The following SORCS3 variants were observed in gnomAD, a reference collection of about 807,000 sequenced individuals.
The protein encoded by SORCS3 is VPS10 domain-containing receptor SorCS3.
In SORCS3, 57 loss-of-function variants were observed where a neutral mutation model predicts 146.3. The ratio of observed to expected loss-of-function variants is 0.39; its 90% CI spans 0.31 to 0.49. SORCS3 has a LOEUF of 0.49. Among genes scored for constraint, SORCS3 ranks in the 20% least tolerant of loss-of-function variants. The pLI is 0.92. For synonymous variants in SORCS3, 653 were observed against 618.5 expected (o/e 1.06, Z -0.83); for missense variants, 1,341 against 1,575.5 (o/e 0.85, Z 2.52).
At chr10:105,141,718 C>T (rs182763694) in intron 8 of SORCS3, among the ~76,000 whole-genome samples, 4 of 152,258 alleles carry the variant, frequency 2.6e-5, no homozygotes, top group Non-Finnish European at 5.9e-5. Context: ...CCCTGGGCAT[C>T]AGGTTGGTGC....
chr10:104,909,857 A>G (rs2018948419), intron 2 of SORCS3, among the ~76,000 whole-genome samples: 2 of 150,884 alleles, frequency 1.3e-5, no homozygotes, highest in Non-Finnish European at 2.9e-5. Context: ...GAAGATCACT[A>G]GAGGAGTAGT....
chr10:105,135,605 A>C (rs923397187), intron 7 of SORCS3, among the ~76,000 whole-genome samples: 18 of 152,124 alleles, frequency 1.2e-4, no homozygotes, highest in Non-Finnish European at 2.2e-4. Context: ...GCTGCCTTTA[A>C]TTCATGTCTC....
In SORCS3 at chr10:105,167,366, A is replaced by T; in HGVS notation, c.1901+17A>T. On this transcript the variant is annotated intron_variant, in intron 13 of 26. Coordinates refer to ENST00000369701, the MANE Select transcript of SORCS3 (RefSeq NM_014978.3). ...GCATTTGTGGTAAGGAGAGCTCCCT[A>T]CCCTATTAATGAGCTAATGAGCAGC... 1 of 1,602,900 alleles carries T rather than the reference A, an allele frequency of 6.2e-7. No individual in the cohort carries two copies. Among genetic ancestry groups the T allele is most frequent in the Non-Finnish European group, 8.5e-7 (1 of 1,170,934 alleles).
At chr10:104,849,980 T>C (rs1481081157) in intron 2 of SORCS3, among the ~76,000 whole-genome samples, 1 of 152,220 alleles carries the variant, frequency 6.6e-6, no homozygotes, top group African/African-American at 2.4e-5. Flanking sequence ...CACCAGATGC[T>C]GCTGCTGCTG....
intron 1 of SORCS3, among the ~76,000 whole-genome samples, chr10:104,769,331 C>A (rs1393608923): frequency 2.6e-5 from 4 of 152,244 alleles, no homozygotes; most frequent in African/African-American, 9.6e-5. Flanking sequence ...GAGGCCATCC[C>A]AGATGCTGTG....
chr10:104,878,152 A>T (rs1055298439), intron 2 of SORCS3, among the ~76,000 whole-genome samples: 1 of 152,146 alleles, frequency 6.6e-6, no homozygotes, highest in Non-Finnish European at 1.5e-5. Context: ...CAATTTATTC[A>T]ATCACTTGGC....
chr10:104,911,958 A>G (rs1467335391), intron 2 of SORCS3, among the ~76,000 whole-genome samples: 2 of 152,214 alleles, frequency 1.3e-5, no homozygotes, highest in African/African-American at 2.4e-5. Context: ...GATTAGTAAC[A>G]AAGAATTACC....
chr10:105,201,929 T>C (rs2056577107), intron 16 of SORCS3, among the ~76,000 whole-genome samples: 1 of 152,154 alleles, frequency 6.6e-6, no homozygotes, highest in African/African-American at 2.4e-5. Context: ...TTTTCTAATT[T>C]CAATAAAACA....
intron 5 of SORCS3, among the ~76,000 whole-genome samples, chr10:105,044,617 G>T (rs1234797808): frequency 6.6e-6 from 1 of 151,836 alleles, no homozygotes; most frequent in Non-Finnish European, 1.5e-5. Context: ...AACCCATTCC[G>T]TCTGCATCCA....
intron 1 of SORCS3, among the ~76,000 whole-genome samples, chr10:104,767,806 C>T (rs970935556): frequency 7.0e-6 from 1 of 143,748 alleles, no homozygotes; most frequent in South Asian, 2.5e-4. Flanking sequence ...CTTCTCCCTT[C>T]CCCTCCCTCT....
intron 2 of SORCS3, among the ~76,000 whole-genome samples, chr10:104,894,188 G>A (rs745452455): frequency 6.6e-6 from 1 of 152,066 alleles, no homozygotes; most frequent in Non-Finnish European, 1.5e-5. Flanking sequence ...GTCAAATCAT[G>A]TCAGTTTTAT....
intron 7 of SORCS3, among the ~76,000 whole-genome samples, chr10:105,123,176 A>G (rs561303480): frequency 6.6e-6 from 1 of 152,350 alleles, no homozygotes; most frequent in East Asian, 1.9e-4. Flanking sequence ...GAGCTTCACC[A>G]CCCACCCAGA....
At chr10:104,886,376 A>G (rs1334091684) in intron 2 of SORCS3, among the ~76,000 whole-genome samples, 2 of 152,190 alleles carry the variant, frequency 1.3e-5, no homozygotes, top group East Asian at 3.9e-4. Flanking sequence ...TATCTTTATA[A>G]CAGGGATAAT....
intron 1 of SORCS3, among the ~76,000 whole-genome samples, chr10:104,766,458 GTCTGTGTC>G (rs1729541493): frequency 6.6e-6 from 1 of 152,252 alleles, no homozygotes; most frequent in African/African-American, 2.4e-5. Context: ...TTGTTTGCTT[GTCTGTGTC>G]TCATGTGAGC....
chr10:104,696,390 A>ACAAT lies in SORCS3; in HGVS notation c.627+54436_627+54437insCAAT, dbSNP rs1564661242. 1.2e-3 allele frequency among the ~76,000 whole-genome samples: 16 copies of ACAAT among 12,818 alleles called. 6 individuals carry two copies. Among genetic ancestry groups the ACAAT allele is most frequent in the Non-Finnish European group, 1.8e-3 (9 of 5,050 alleles). The allele number at this position is 12,818 out of a possible 152,430, so 8.4% of individuals were successfully genotyped here. ...ATATAGTATATAATATATATTATATAATATATAATATATAATATAGAATAT... is the reference window on the plus strand; with the variant it reads ...ATATAGTATATAATATATATTATATACAATATATATAATATATAATATAGAATAT... On this transcript the variant is annotated intron_variant, in intron 1 of 26. Coordinates refer to ENST00000369701, the MANE Select transcript of SORCS3 (RefSeq NM_014978.3).
At chr10:104,874,426 A>G (rs2018550011) in intron 2 of SORCS3, among the ~76,000 whole-genome samples, 1 of 152,156 alleles carries the variant, frequency 6.6e-6, no homozygotes, top group Admixed American at 6.6e-5. Context: ...TAAACATCTT[A>G]TAGGCCTTAT....
chr10:105,126,952 C>A (rs2055979610), intron 7 of SORCS3, among the ~76,000 whole-genome samples: 1 of 152,082 alleles, frequency 6.6e-6, no homozygotes, highest in Non-Finnish European at 1.5e-5. Context: ...TGTTTGCTTT[C>A]CCAAAGAGAT....
Position 104,641,298 on chromosome 10 carries a change from G to T in SORCS3, c.-30G>T, listed in dbSNP as rs2015410398. ...GCACCTCGGCGGGCGCCACACACTC[G>T]GCAGCCCGAGCCGCGGTAGCCGCAG... is the stretch of plus-strand genomic sequence containing the variant. On this transcript the variant is annotated 5_prime_UTR_variant, in exon 1 of 27. Transcript: ENST00000369701. The surrounding 1 kb of genome is among the most constrained non-coding windows in gnomAD (Gnocchi z 6.4). 1.6e-6 allele frequency: 2 copies of T among 1,266,898 alleles called. No individual in the cohort carries two copies. Among genetic ancestry groups the T allele is most frequent in the South Asian group, 2.7e-5 (1 of 37,158 alleles). 78.5% of individuals were successfully genotyped at this position (1,266,898 alleles called of 1,614,324 possible).
At chr10:104,809,110 T>C (rs1380642063) in intron 1 of SORCS3, among the ~76,000 whole-genome samples, 2 of 152,238 alleles carry the variant, frequency 1.3e-5, no homozygotes, top group Admixed American at 1.3e-4. Context: ...ATGGGTTCAG[T>C]TTCAAATGTC....
Sources: gnomAD v4.1 joint callset for allele counts (sites outside exome capture counted in the v4.1 genomes callset) on GRCh38, gnomAD v4.1.1 for gene constraint, Gnocchi (gnomAD v3.1) non-coding constraint, MANE v1.5 for transcripts, NCBI Gene and HGNC (gene_info 2026-07-23, HGNC 2026-07-21) for gene names.